The following MAP6 variants were observed in gnomAD, a reference collection of about 807,000 sequenced individuals.
The protein encoded by MAP6 is microtubule associated protein 6.
In MAP6, 26 loss-of-function variants were observed where a neutral mutation model predicts 42.4. The observed-to-expected ratio is 0.61, with a 90% CI of 0.45 to 0.85. MAP6 has a LOEUF of 0.85. MAP6 is among the 40% of genes least tolerant of loss of function. The probability of loss-of-function intolerance (pLI) is 0.00; values close to 1 mark genes in which losing one functional copy is unlikely to be tolerated. For missense variants in MAP6, 966 were observed against 1,099.0 expected (o/e 0.88, Z 1.71); for synonymous variants, 418 against 443.8 (o/e 0.94, Z 0.73).
In MAP6 at chr11:75,608,240, T is replaced by A; in HGVS notation, c.988A>T (p.Met330Leu). The A allele has an allele frequency of 1.9e-6, 3 of 1,614,242 alleles. No homozygotes were observed. The highest frequency in any genetic ancestry group is 2.5e-6 in the Non-Finnish European group (3 of 1,180,030). ...GCACTGTAGCTGGTCTCATGAACCA[T>A]CTTATCATCTGGGGGCTTGTACTGG... ...KPQYKPPDDK[M>L]VHETSYSAQF... The change falls in exon 2 of 4, where the codon ATG becomes TTG. Residue 330 changes from methionine to leucine, a missense_variant. By Grantham distance (15) the Met-to-Leu change is conservative. Around this residue, in one of 2 missense-constraint regions of MAP6, gnomAD observed 943 missense variants for 1,049.9 expected, o/e 0.90. Coordinates refer to ENST00000304771, the MANE Select transcript of MAP6 (RefSeq NM_033063.2).
chr11:75,643,526 G>A (rs1165142458), intron 1 of MAP6, among the ~76,000 whole-genome samples: 1 of 152,180 alleles, frequency 6.6e-6, no homozygotes, highest in African/African-American at 2.4e-5. Flanking sequence ...CAACTGTGAA[G>A]TCTTTTCTGA....
Position 75,669,022 on chromosome 11 carries a change from C to T in MAP6, c.-653G>A, listed in dbSNP as rs1944014467. ...GCGAATGATGCTGCAGCCGCTGCCG[C>T]CGCCGCCTCTGCCTCTGCTGCAGGG... is the stretch of plus-strand genomic sequence containing the variant. On this transcript the variant is annotated 5_prime_UTR_variant, in exon 1 of 4. Transcript: ENST00000304771. 6.1e-6 allele frequency: 1 copy of T among 164,826 alleles called. No homozygotes were observed. Among genetic ancestry groups the T allele is most frequent in the Non-Finnish European group, 1.3e-5 (1 of 76,142 alleles). 10.2% of individuals were successfully genotyped at this position (164,826 alleles called of 1,614,324 possible). A position where few individuals can be genotyped will look rare whatever the true frequency, so the allele number is the denominator to read the frequency against.
At chr11:75,660,428 C>CT (rs1943824396) in intron 1 of MAP6, among the ~76,000 whole-genome samples, 2 of 152,176 alleles carry the variant, frequency 1.3e-5, no homozygotes, top group African/African-American at 4.8e-5. Context: ...TCAACTTTCA[C>CT]TTCTGACTTT....
chr11:75,600,535 G>A (rs978642175), intron 3 of MAP6, among the ~76,000 whole-genome samples: 1 of 152,174 alleles, frequency 6.6e-6, no homozygotes, highest in African/African-American at 2.4e-5. Context: ...AGTGGAGTTT[G>A]GGCTCCCTTT....
chr11:75,608,132 C>T lies in MAP6; in HGVS notation c.1096G>A (p.Glu366Lys), dbSNP rs201505500. Reference protein sequence around the residue: ...DRRRIRSLYSEPFKEPPKVEK... With the variant: ...DRRRIRSLYSKPFKEPPKVEK... Reference sequence around the variant, plus strand: ...ACCTTTGGGGGTTCCTTGAAGGGTTCGCTGTAGAGGCTGCGTATTCTTCTG... The same window carrying T: ...ACCTTTGGGGGTTCCTTGAAGGGTTTGCTGTAGAGGCTGCGTATTCTTCTG... Residue 366 changes from glutamate (E) to lysine (K), a missense_variant, in exon 2 of 4, where the codon GAA becomes AAA. By Grantham distance (56) the Glu-to-Lys change is moderately conservative. Transcript: ENST00000304771. 4.5e-4 allele frequency: 734 copies of T among 1,613,874 alleles called. No homozygotes were observed. The highest frequency in any genetic ancestry group is 6.0e-4 in the Non-Finnish European group (703 of 1,180,050).
At chr11:75,623,706 A>C (rs778285169) in intron 1 of MAP6, among the ~76,000 whole-genome samples, 1 of 152,078 alleles carries the variant, frequency 6.6e-6, no homozygotes, top group Non-Finnish European at 1.5e-5. Context: ...ACGAATAAAC[A>C]CCTTTGTCTT....
chr11:75,601,237 A>G (rs1942659051), intron 3 of MAP6, among the ~76,000 whole-genome samples: 1 of 151,940 alleles, frequency 6.6e-6, no homozygotes, highest in Admixed American at 6.6e-5. Flanking sequence ...GTGTCTTCAT[A>G]TGTGTGCTTT....
intron 3 of MAP6, among the ~76,000 whole-genome samples, chr11:75,596,907 C>A (rs1942588120): frequency 1.3e-5 from 2 of 152,226 alleles, no homozygotes; most frequent in South Asian, 4.1e-4. Context: ...GAGGAGGCTG[C>A]TGTTTCAGGC....
At chr11:75,631,310 T>A (rs1309925180) in intron 1 of MAP6, among the ~76,000 whole-genome samples, 1 of 152,246 alleles carries the variant, frequency 6.6e-6, no homozygotes, top group African/African-American at 2.4e-5. Context: ...ATGCTGTGTA[T>A]CAGTTGTGTA....
At chr11:75,652,239 T>C (rs1943658531) in intron 1 of MAP6, among the ~76,000 whole-genome samples, 1 of 152,200 alleles carries the variant, frequency 6.6e-6, no homozygotes, top group African/African-American at 2.4e-5. Context: ...TCTGTCCCTC[T>C]ATAGGAAGTT....
chr11:75,667,950 G>T lies in MAP6; in HGVS notation c.420C>A (p.Arg140=). Residue 140 remains arginine, a synonymous_variant, in exon 1 of 4, where the codon CGC becomes CGA. Coordinates refer to ENST00000304771, the MANE Select transcript of MAP6 (RefSeq NM_033063.2). The surrounding 1 kb of genome is among the most constrained non-coding windows in gnomAD (Gnocchi z 5.6). ...GAGCGTCGGAGGGCTGGTATTCGCT[G>T]CGCGGCCGGCAGCTGGGCTCGGGCC... The part of the protein sequence containing the change: ...VQRPEPSCRP[R]SEYQPSDAPF... 1 of 1,340,866 alleles carries T rather than the reference G, an allele frequency of 7.5e-7. No individual in the cohort carries two copies. The highest frequency in any genetic ancestry group is 9.6e-7 in the Non-Finnish European group (1 of 1,039,968). 83.1% of individuals were successfully genotyped at this position (1,340,866 alleles called of 1,614,324 possible). A position where few individuals can be genotyped will look rare whatever the true frequency, so the allele number is the denominator to read the frequency against.
At chr11:75,644,023 T>A (rs781473004) in intron 1 of MAP6, among the ~76,000 whole-genome samples, 1 of 152,214 alleles carries the variant, frequency 6.6e-6, no homozygotes, top group Non-Finnish European at 1.5e-5. Flanking sequence ...AGGTGCATGG[T>A]TACAAACTTA....
chr11:75,616,138 C>T (rs574760748), intron 1 of MAP6, among the ~76,000 whole-genome samples: 6 of 152,280 alleles, frequency 3.9e-5, no homozygotes, highest in Non-Finnish European at 5.9e-5. Context: ...TGGTACAAAT[C>T]GTTTCTTGAT....
intron 1 of MAP6, chr11:75,635,859 G>T (rs1381175909): frequency 6.6e-6 from 1 of 152,240 alleles, no homozygotes; most frequent in African/African-American, 2.4e-5. Context: ...GAGCTGCCAG[G>T]CATGAGATAC....
chr11:75,661,697 C>A (rs1453599409), intron 1 of MAP6, among the ~76,000 whole-genome samples: 2 of 152,042 alleles, frequency 1.3e-5, no homozygotes, highest in Non-Finnish European at 2.9e-5. Flanking sequence ...TTAACCTTAT[C>A]TTATAAAAAC....
At chr11:75,666,967 C>T (rs892648779) in intron 1 of MAP6, among the ~76,000 whole-genome samples, 1 of 152,070 alleles carries the variant, frequency 6.6e-6, no homozygotes, top group South Asian at 2.1e-4. Flanking sequence ...AGGTATGGTG[C>T]TTGGGTGTTG....
intron 1 of MAP6, among the ~76,000 whole-genome samples, chr11:75,614,761 T>C (rs1473702343): frequency 6.6e-6 from 1 of 152,234 alleles, no homozygotes; most frequent in Non-Finnish European, 1.5e-5. Context: ...TTGGAGTAAT[T>C]TGTTACAAGC....
intron 1 of MAP6, among the ~76,000 whole-genome samples, chr11:75,652,860 A>G (rs1440358696): frequency 1.3e-5 from 2 of 151,830 alleles, no homozygotes; most frequent in African/African-American, 4.8e-5. Context: ...AAGAAGAAAA[A>G]AGAAAAATAC....
In MAP6 at chr11:75,651,244, G is replaced by T. The variant is rs77535850; in HGVS notation, c.905+16221C>A. ...ATGCATTCTACCAAGGGCTTGCAAAGAATCTCATTCTCACAAATGCAGTCT... is the reference window on the plus strand; with the variant it reads ...ATGCATTCTACCAAGGGCTTGCAAATAATCTCATTCTCACAAATGCAGTCT... On this transcript the variant is annotated intron_variant, in intron 1 of 3. Coordinates refer to ENST00000304771, the MANE Select transcript of MAP6 (RefSeq NM_033063.2). 6.1e-3 allele frequency among the ~76,000 whole-genome samples: 922 copies of T among 152,312 alleles called. 8 individuals are homozygous for T. Among genetic ancestry groups the T allele is most frequent in the African/African-American group, 0.021 (869 of 41,554 alleles).
Sources: gnomAD v4.1 joint callset for allele counts (sites outside exome capture counted in the v4.1 genomes callset) on GRCh38, gnomAD v4.1.1 for gene constraint, gnomAD v4.1.1 regional missense constraint, Gnocchi (gnomAD v3.1) non-coding constraint, MANE v1.5 for transcripts, NCBI Gene and HGNC (gene_info 2026-07-23, HGNC 2026-07-21) for gene names.